NAV2: variants seen among roughly 807,000 people sequenced by gnomAD.
NAV2 encodes the protein neuron navigator 2, also known as helicase, APC down-regulated 1.
Under a neutral mutation model 223.2 loss-of-function variants are expected in NAV2, and 54 were observed. That is an observed-to-expected ratio of 0.24 (90% CI 0.19 to 0.30). NAV2 has a LOEUF of 0.30. Among genes scored for constraint, NAV2 ranks in the 10% least tolerant of loss-of-function variants. NAV2 has a pLI of 1.00. For synonymous variants in NAV2, 1,279 were observed against 1,239.3 expected (o/e 1.03, Z -0.67); for missense variants, 2,806 against 3,147.5 (o/e 0.89, Z 2.60).
chr11:20,049,947 C>A, intron 16 of NAV2, 46 bp downstream of exon 16: 1 of 1,583,670 alleles, frequency 6.3e-7, no homozygotes, highest in Non-Finnish European at 8.7e-7. Context: ...CTAGGTTCTT[C>A]TGCCCATTCG....
intron 3 of NAV2, among the ~76,000 whole-genome samples, chr11:19,857,175 C>T (rs1446652683): frequency 6.6e-6 from 1 of 152,228 alleles, no homozygotes; most frequent in Non-Finnish European, 1.5e-5. Flanking sequence ...GACATATCTA[C>T]TCCTGAATTT....
intron 1 of NAV2, among the ~76,000 whole-genome samples, chr11:19,664,765 G>A (rs543665231): frequency 1.0e-3 from 159 of 152,342 alleles, no homozygotes; most frequent in Non-Finnish European, 1.8e-3. Context: ...TGCTATGGAG[G>A]AGAATGTTGA....
rs544239900 is a variant in NAV2, at chr11:19,820,687, T to C, written c.268-11797T>C. On this transcript the variant is annotated intron_variant, in intron 1 of 37. Transcript: ENST00000349880. ...TGTGATCCTGTGCACCTTAACCTCT[T>C]GGAGCCTGTTTTCCAGTATGTAAAA... Among the ~76,000 whole-genome samples, 4 of 152,340 alleles carry C rather than the reference T, an allele frequency of 2.6e-5. No homozygotes were observed. The South Asian group carries it at 8.3e-4, about 32-fold the overall frequency.
intron 1 of NAV2, among the ~76,000 whole-genome samples, chr11:19,423,855 C>T (rs1324708858): frequency 5.3e-5 from 8 of 152,034 alleles, no homozygotes; most frequent in East Asian, 3.9e-4. Flanking sequence ...TTGCTTGGGA[C>T]GGGCCATCTG....
intron 1 of NAV2, among the ~76,000 whole-genome samples, chr11:19,451,296 C>T (rs1851781704): frequency 6.6e-6 from 1 of 152,104 alleles, no homozygotes; most frequent in Non-Finnish European, 1.5e-5. Context: ...TTTCATGACT[C>T]CAAGATATTC....
rs547075895 is a variant in NAV2 at position 19,929,565 on chromosome 11, C to G, written c.932-3611C>G. 1.9e-4 allele frequency among the ~76,000 whole-genome samples: 29 copies of G among 152,202 alleles called. No individual in the cohort carries two copies. In the South Asian group the frequency reaches 6.0e-3, roughly 32 times the overall value. On this transcript the variant is annotated intron_variant, in intron 6 of 37. Coordinates refer to ENST00000349880, the MANE Select transcript of NAV2 (RefSeq NM_145117.5). ...TACCTTTTATAGTCGTAATGAGTAG[C>G]CTTGAAATGCCCCCATGACTTAATA...
At chr11:19,450,948 C>T (rs1425003524) in intron 1 of NAV2, among the ~76,000 whole-genome samples, 1 of 152,122 alleles carries the variant, frequency 6.6e-6, no homozygotes, top group African/African-American at 2.4e-5. Flanking sequence ...AGGTGTGTAG[C>T]AGCTTCTGAA....
Position 20,118,165 on chromosome 11 carries a change from C to T in NAV2, c.7197C>T (p.Ala2399=). 2 of 1,582,420 alleles carry T rather than the reference C, an allele frequency of 1.3e-6. No homozygotes were observed. Among genetic ancestry groups the T allele is most frequent in the Non-Finnish European group, 1.7e-6 (2 of 1,156,016 alleles). ...TGCTGATGAGGCTGCAGGAGGCAGC[C>T]AACTACTCCAGCCCCCAGAGCTATG... ...MNMLMRLQEA[A]NYSSPQSYDS... The change falls in exon 38 of 38, where the codon GCC becomes GCT. Residue 2399 remains alanine (A), a synonymous_variant. Transcript: ENST00000349880.
chr11:19,571,961 C>T (rs761356078), intron 1 of NAV2, among the ~76,000 whole-genome samples: 2 of 152,154 alleles, frequency 1.3e-5, no homozygotes, highest in Non-Finnish European at 2.9e-5. Context: ...CAGGTTTGGT[C>T]TTTCCCAACC....
At chr11:20,016,081 TAAATG>T (rs2053980977) in intron 11 of NAV2, among the ~76,000 whole-genome samples, 1 of 152,218 alleles carries the variant, frequency 6.6e-6, no homozygotes, top group South Asian at 2.1e-4. Flanking sequence ...TTCTTAGAAT[TAAATG>T]AGATGAGATG....
intron 1 of NAV2, among the ~76,000 whole-genome samples, chr11:19,618,306 C>A (rs1359488424): frequency 6.8e-6 from 1 of 146,828 alleles, no homozygotes; most frequent in East Asian, 2.0e-4. Flanking sequence ...GGATGGATTG[C>A]TGGATGGATA....
At chr11:19,655,604 A>G (rs2048099046) in intron 1 of NAV2, among the ~76,000 whole-genome samples, 1 of 152,062 alleles carries the variant, frequency 6.6e-6, no homozygotes, top group African/African-American at 2.4e-5. Flanking sequence ...ACATGGATGA[A>G]GCTTGAAACC....
At chr11:20,053,159 A>C (rs1342291265) in intron 17 of NAV2, among the ~76,000 whole-genome samples, 1 of 138,208 alleles carries the variant, frequency 7.2e-6, no homozygotes, top group Non-Finnish European at 1.5e-5. Flanking sequence ...CAGTGGTTGC[A>C]GTGAGCCGAG....
At chr11:19,781,110 T>A (rs1352216265) in intron 1 of NAV2, among the ~76,000 whole-genome samples, 1 of 152,226 alleles carries the variant, frequency 6.6e-6, no homozygotes. Context: ...ATCTCCATTA[T>A]TCAGATAAAG....
intron 1 of NAV2, chr11:19,777,404 G>GT: frequency 2.4e-6 from 1 of 418,172 alleles, no homozygotes; most frequent in Non-Finnish European, 4.7e-6. Flanking sequence ...AGGTGCTTCG[G>GT]CTTTTTTTTT....
intron 1 of NAV2, among the ~76,000 whole-genome samples, chr11:19,609,698 G>C (rs1261553369): frequency 6.6e-6 from 1 of 152,174 alleles, no homozygotes; most frequent in Non-Finnish European, 1.5e-5. Flanking sequence ...TAACTGCGGA[G>C]GGAGGGGGTT....
intron 1 of NAV2, among the ~76,000 whole-genome samples, chr11:19,773,572 T>G (rs1320590937): frequency 6.6e-6 from 1 of 152,064 alleles, no homozygotes; most frequent in African/African-American, 2.4e-5. Context: ...CAGACTGATC[T>G]CTTTCCGCTA....
chr11:19,876,860 AC>A (rs1440444188), intron 4 of NAV2, among the ~76,000 whole-genome samples: 11 of 151,158 alleles, frequency 7.3e-5, no homozygotes, highest in East Asian at 1.9e-4. Context: ...AATAAAGAAT[AC>A]TCAAATGCCT....
intron 9 of NAV2, 34 bp from the exon 10 acceptor site, chr11:19,948,657 C>A (rs1408086911): frequency 6.6e-7 from 1 of 1,522,972 alleles, no homozygotes; most frequent in East Asian, 2.3e-5. Flanking sequence ...ATACTAGGTA[C>A]CTTTGAGTCT....
Sources: gnomAD v4.1 joint callset for allele counts (sites outside exome capture counted in the v4.1 genomes callset) on GRCh38, gnomAD v4.1.1 for gene constraint, MANE v1.5 for transcripts, NCBI Gene and HGNC (gene_info 2026-07-23, HGNC 2026-07-21) for gene names.